ERBIN: variants seen among roughly 807,000 people sequenced by gnomAD.
The protein encoded by ERBIN is densin-180-like protein.
A neutral mutation model predicts 158.4 loss-of-function variants in ERBIN; 60 were observed. That is an observed-to-expected ratio of 0.38 (90% CI 0.31 to 0.47). The LOEUF (loss-of-function observed/expected upper bound fraction) is 0.47. Among genes scored for constraint, ERBIN ranks in the 20% least tolerant of loss-of-function variants. The probability of loss-of-function intolerance (pLI) is 0.99; values close to 1 mark genes in which losing one functional copy is unlikely to be tolerated. For missense variants in ERBIN, 1,610 were observed against 1,648.0 expected, an observed-to-expected ratio of 0.98 and a Z score of 0.40; for synonymous variants, 594 against 557.2, an observed-to-expected ratio of 1.07 and a Z score of -0.93.
At chr5:66,072,771 A>G (rs1246723313) in intron 22 of ERBIN, among the ~76,000 whole-genome samples, 1 of 152,210 alleles carries the variant, frequency 6.6e-6, no homozygotes, top group Non-Finnish European at 1.5e-5. Flanking sequence ...TGTTGCAATT[A>G]TCTATGTATG....
intron 1 of ERBIN, among the ~76,000 whole-genome samples, chr5:65,950,464 G>T (rs774954058): frequency 1.3e-5 from 2 of 152,248 alleles, no homozygotes; most frequent in South Asian, 4.1e-4. Context: ...AGAATATCAC[G>T]CAAGGGAAGT....
intron 18 of ERBIN, among the ~76,000 whole-genome samples, chr5:66,047,243 C>A (rs1274242570): frequency 3.3e-5 from 5 of 152,004 alleles, no homozygotes; most frequent in Non-Finnish European, 7.4e-5. Context: ...GTCTTTTGTG[C>A]CTGGTCTGTT....
intron 1 of ERBIN, among the ~76,000 whole-genome samples, chr5:65,946,308 G>A (rs767383715): frequency 3.3e-5 from 5 of 152,096 alleles, no homozygotes; most frequent in Admixed American, 6.6e-5. Flanking sequence ...AGGCTGCAGT[G>A]AGCTGAGATT....
intron 1 of ERBIN, among the ~76,000 whole-genome samples, chr5:65,978,122 A>G (rs879345854): frequency 1.3e-5 from 2 of 152,186 alleles, no homozygotes; most frequent in African/African-American, 2.4e-5. Flanking sequence ...TTATTGACCT[A>G]TTGTTGAAAA....
chr5:66,076,402 T>A lies in ERBIN; in HGVS notation c.4050T>A (p.Asp1350Glu). The change falls in exon 24 of 26, where the codon GAT becomes GAA. Residue 1350 changes from aspartate (D) to glutamate (E), a missense_variant. Asp to Glu is a conservative substitution (Grantham distance 45). Coordinates refer to ENST00000284037, the MANE Select transcript of ERBIN (RefSeq NM_001253697.2). Reference sequence around the variant, plus strand: ...GTAGAGGAAACCCATTCAGACCTGATGATGATGTAAGTTTTCTTTGTATAT... The same window carrying A: ...GTAGAGGAAACCCATTCAGACCTGAAGATGATGTAAGTTTTCTTTGTATAT... ...VGGRGNPFRPDDDGIFVTRVQ... is the reference protein window; with the variant it reads ...VGGRGNPFRPEDDGIFVTRVQ... The A allele has an allele frequency of 6.2e-7, 1 of 1,608,586 alleles. No individual in the cohort carries two copies. The highest frequency in any genetic ancestry group is 8.5e-7 in the Non-Finnish European group (1 of 1,177,728).
chr5:65,982,957 C>T (rs988771500), intron 1 of ERBIN, among the ~76,000 whole-genome samples: 1 of 152,148 alleles, frequency 6.6e-6, no homozygotes, highest in African/African-American at 2.4e-5. Context: ...TGGAAATGTT[C>T]CATGTCTTGA....
At chr5:65,978,336 A>G (rs2151008266) in intron 1 of ERBIN, among the ~76,000 whole-genome samples, 1 of 152,122 alleles carries the variant, frequency 6.6e-6, no homozygotes, top group East Asian at 1.9e-4. Flanking sequence ...AGATGTTTGC[A>G]TTTGTAGTCA....
chr5:66,045,624 A>G lies in ERBIN; in HGVS notation c.1603-729A>G, dbSNP rs76852871. Among the ~76,000 whole-genome samples the G allele has an allele frequency of 1.4e-3, 217 of 152,280 alleles. 1 individual carries two copies. Among genetic ancestry groups the G allele is most frequent in the African/African-American group, 5.0e-3 (208 of 41,570 alleles). On this transcript the variant is annotated intron_variant, in intron 17 of 25. Coordinates refer to ENST00000284037, the MANE Select transcript of ERBIN (RefSeq NM_001253697.2). ...AAGTGCCACGTGACTGCACTTGCAA[A>G]TTTAAGGTTTTGTTCTCAGCTACCT...
chr5:66,053,427 C>T lies in ERBIN; in HGVS notation c.2109C>T (p.Asn703=), dbSNP rs1759246899. Residue 703 remains asparagine (N), a synonymous_variant, in exon 21 of 26, where the codon AAC becomes AAT. Transcript: ENST00000284037. ...SKIRQEDENF[N]SLLQNGDILN... ...TTAGGCAAGAAGATGAAAATTTTAACAGCCTTTTACAAAATGGAGATATTT... is the reference window on the plus strand; with the variant it reads ...TTAGGCAAGAAGATGAAAATTTTAATAGCCTTTTACAAAATGGAGATATTT... The T allele has an allele frequency of 1.4e-6, 2 of 1,461,524 alleles. No individual in the cohort carries two copies. Among genetic ancestry groups the T allele is most frequent in the Admixed American group, 2.5e-5 (1 of 40,108 alleles). The allele number at this position is 1,461,524 out of a possible 1,614,324, so 90.5% of individuals were successfully genotyped here.
At chr5:66,040,907 G>A (rs539451044) in intron 15 of ERBIN, among the ~76,000 whole-genome samples, 2 of 151,844 alleles carry the variant, frequency 1.3e-5, no homozygotes, top group East Asian at 3.9e-4. Flanking sequence ...AAATATGCAA[G>A]AGCAGGGGTG....
At chr5:65,963,783 C>G (rs1261116884) in intron 1 of ERBIN, among the ~76,000 whole-genome samples, 2 of 129,596 alleles carry the variant, frequency 1.5e-5, no homozygotes, top group East Asian at 4.3e-4. Context: ...TGACTATTTT[C>G]TTTCTTTTCT....
chr5:66,024,253 T>G, intron 9 of ERBIN, 53 bp from the exon 10 acceptor site: 1 of 1,242,724 alleles, frequency 8.0e-7, no homozygotes, highest in East Asian at 2.5e-5. Context: ...CCTAAACTTT[T>G]TACAAATTAC....
At chr5:66,005,908 A>G (rs1753537690) in intron 4 of ERBIN, among the ~76,000 whole-genome samples, 1 of 152,156 alleles carries the variant, frequency 6.6e-6, no homozygotes, top group Non-Finnish European at 1.5e-5. Flanking sequence ...ATACAAACAA[A>G]TGGAAGAACA....
chr5:66,025,729 T>A, intron 11 of ERBIN, 119 bp from the exon 12 acceptor site: 10 of 895,862 alleles, frequency 1.1e-5, no homozygotes, highest in Non-Finnish European at 1.7e-5. Context: ...AGTTTAGCTT[T>A]GTGAAATGGT....
chr5:65,994,886 AT>A, intron 4 of ERBIN, 22 bp downstream of exon 4: 2 of 1,439,172 alleles, frequency 1.4e-6, no homozygotes, highest in Admixed American at 1.9e-5. Context: ...TTTGCCCATA[AT>A]TTTTTGTACT....
chr5:65,983,708 C>T (rs1216423131), intron 1 of ERBIN, among the ~76,000 whole-genome samples: 1 of 152,190 alleles, frequency 6.6e-6, no homozygotes, highest in Non-Finnish European at 1.5e-5. Flanking sequence ...TTAAATCCAG[C>T]CGAGTATACA....
chr5:65,970,884 T>C (rs939629070), intron 1 of ERBIN, among the ~76,000 whole-genome samples: 3 of 152,232 alleles, frequency 2.0e-5, no homozygotes, highest in Non-Finnish European at 4.4e-5. Flanking sequence ...GTGGCTATCA[T>C]GTTTTATCTA....
rs776496813 is a variant in ERBIN at position 65,994,836 on chromosome 5, T to A, written c.279T>A (p.Asn93Lys). 7.5e-6 allele frequency: 12 copies of A among 1,607,482 alleles called. No individual in the cohort carries two copies. In the South Asian group the frequency reaches 1.3e-4, roughly 18 times the overall value. The part of the protein sequence containing the change: ...TLPASIANLI[N>K]LRELDVSKNG... ...CAGCATCCATTGCAAACCTTATTAATCTCAGGGAACTGGATGTCAGCAAGA... is the reference window on the plus strand; with the variant it reads ...CAGCATCCATTGCAAACCTTATTAAACTCAGGGAACTGGATGTCAGCAAGA... Residue 93 changes from asparagine (N) to lysine (K), a missense_variant, in exon 4 of 26, where the codon AAT becomes AAA. Around this residue, in one of 2 missense-constraint regions of ERBIN, gnomAD observed 596 missense variants for 711.9 expected, o/e 0.84. Transcript: ENST00000284037.
At chr5:65,939,378 A>C in intron 1 of ERBIN, among the ~76,000 whole-genome samples, 1 of 152,170 alleles carries the variant, frequency 6.6e-6, no homozygotes. Flanking sequence ...CAGAGGTTGC[A>C]GTGAGCCGAG....
Sources: gnomAD v4.1 joint callset for allele counts (sites outside exome capture counted in the v4.1 genomes callset) on GRCh38, gnomAD v4.1.1 for gene constraint, gnomAD v4.1.1 regional missense constraint, MANE v1.5 for transcripts, NCBI Gene and HGNC (gene_info 2026-07-23, HGNC 2026-07-21) for gene names.